TTC13: variants seen among roughly 807,000 people sequenced by gnomAD.
The protein encoded by TTC13 is tetratricopeptide repeat domain 13.
In TTC13, 62 loss-of-function variants were observed where a neutral mutation model predicts 120.0. The ratio of observed to expected loss-of-function variants is 0.52; its 90% CI spans 0.42 to 0.64. The LOEUF (loss-of-function observed/expected upper bound fraction) is 0.64. Ranked by LOEUF, TTC13 falls within the 30% of genes least tolerant of loss-of-function variation. The pLI is 0.00. For synonymous variants in TTC13, 384 were observed against 393.5 expected (o/e 0.98, Z 0.28); for missense variants, 824 against 1,050.2 (o/e 0.78, Z 2.98).
At chr1:230,923,754 G>A in intron 15 of TTC13, 87 bp downstream of exon 15, 3 of 1,090,910 alleles carry the variant, frequency 2.7e-6, no homozygotes, top group South Asian at 2.9e-5. Context: ...ACCAGGAAAG[G>A]AGCAATGGGT....
chr1:230,953,271 T>C, intron 4 of TTC13, among the ~76,000 whole-genome samples: 1 of 152,308 alleles, frequency 6.6e-6, no homozygotes, highest in Non-Finnish European at 1.5e-5. Flanking sequence ...ATCTCATCAA[T>C]TGTTTGAGAA....
At chr1:230,914,545 C>T (rs1394151638) in intron 18 of TTC13, among the ~76,000 whole-genome samples, 1 of 152,000 alleles carries the variant, frequency 6.6e-6, no homozygotes, top group East Asian at 1.9e-4. Context: ...CAGGTGCGCG[C>T]CACCAGGCCT....
At position 230,971,635 on chromosome 1, in the gene TTC13, GAC is replaced by G. The variant is rs547016828; in HGVS notation, c.271+6923_271+6924del. Among the ~76,000 whole-genome samples, 499 of 152,284 alleles carry G rather than the reference GAC, an allele frequency of 3.3e-3. 7 individuals are homozygous for G. The highest frequency in any genetic ancestry group is 0.012 in the African/African-American group (481 of 41,572). ...GGATCCACAAAAGCCATCTTAAAGA[GAC>G]AGAAGTTTTTTGTTTTTTAACAAAG... On this transcript the variant is annotated intron_variant, in intron 1 of 22. Transcript: ENST00000366661.
At chr1:230,969,412 T>C (rs1192241126) in intron 1 of TTC13, among the ~76,000 whole-genome samples, 3 of 152,232 alleles carry the variant, frequency 2.0e-5, no homozygotes, top group African/African-American at 7.2e-5. Flanking sequence ...TCCATTTCTT[T>C]GAAAGGTTCT....
intron 20 of TTC13, among the ~76,000 whole-genome samples, chr1:230,910,401 G>A (rs1219116979): frequency 2.0e-5 from 3 of 152,224 alleles, no homozygotes; most frequent in Admixed American, 1.3e-4. Context: ...TGCCAAGCTC[G>A]GCTTAAACCC....
In TTC13 at chr1:230,944,315, C is replaced by T. The variant is rs905260060; in HGVS notation, c.580-417G>A. On this transcript the variant is annotated intron_variant, in intron 5 of 22. Coordinates refer to ENST00000366661, the MANE Select transcript of TTC13 (RefSeq NM_024525.5). This position sits in a 1 kb window ranked among gnomAD's most constrained non-coding sequence, Gnocchi z 4.0. ...AAAACATAAGCCTATAAATCTATAC[C>T]TTAAGAAGTTTAGGTACATTCTCTT... Among the ~76,000 whole-genome samples, 2 of 152,168 alleles carry T rather than the reference C, an allele frequency of 1.3e-5. No individual in the cohort carries two copies. The highest frequency in any genetic ancestry group is 4.8e-5 in the African/African-American group (2 of 41,440).
intron 1 of TTC13, among the ~76,000 whole-genome samples, chr1:230,977,939 C>T (rs1255953973): frequency 6.6e-6 from 1 of 152,226 alleles, no homozygotes; most frequent in African/African-American, 2.4e-5. Context: ...GGCCTTTTTT[C>T]CCTCTGGGAG....
intron 17 of TTC13, among the ~76,000 whole-genome samples, chr1:230,920,076 A>T (rs763587335): frequency 6.6e-6 from 1 of 152,198 alleles, no homozygotes; most frequent in Non-Finnish European, 1.5e-5. Flanking sequence ...GCTTAGCAAG[A>T]CCACTGTACT....
chr1:230,958,237 T>C lies in TTC13; in HGVS notation c.429A>G (p.Thr143=), dbSNP rs1452320070. 1 of 1,613,456 alleles carries C rather than the reference T, an allele frequency of 6.2e-7. No individual in the cohort carries two copies. The highest frequency in any genetic ancestry group is 1.1e-5 in the South Asian group (1 of 90,978). Residue 143 remains threonine (T), a synonymous_variant, in exon 3 of 23, where the codon ACA becomes ACG. Transcript: ENST00000366661. ...TTCAAGTCTTACCTAACTCTTCATT[T>C]GTGCTGTCATTATCAGTGGCAAACG... ...RFPFATDNDS[T]NEELAIAYVL...
At chr1:230,973,174 A>T (rs1166258424) in intron 1 of TTC13, among the ~76,000 whole-genome samples, 1 of 152,228 alleles carries the variant, frequency 6.6e-6, no homozygotes, top group Non-Finnish European at 1.5e-5. Context: ...TGTGGTTCTT[A>T]ACTTCCTCAT....
chr1:230,949,118 C>T (rs1675287177), intron 4 of TTC13, among the ~76,000 whole-genome samples: 1 of 151,996 alleles, frequency 6.6e-6, no homozygotes, highest in African/African-American at 2.4e-5. Context: ...CATGCAAAGT[C>T]ATGCTATTCT....
chr1:230,920,464 T>C (rs746729356), intron 17 of TTC13, 46 bp downstream of exon 17: 1 of 1,400,686 alleles, frequency 7.1e-7, no homozygotes, highest in Non-Finnish European at 1.0e-6. Context: ...CTGTTGGTTT[T>C]CTTTTCCTCT....
chr1:230,948,831 T>A (rs1675258525), intron 4 of TTC13, among the ~76,000 whole-genome samples: 1 of 152,054 alleles, frequency 6.6e-6, no homozygotes, highest in African/African-American at 2.4e-5. Flanking sequence ...AATAATTCCC[T>A]ACATACAAGA....
intron 1 of TTC13, among the ~76,000 whole-genome samples, chr1:230,975,978 A>C (rs937002892): frequency 6.6e-6 from 1 of 152,222 alleles, no homozygotes; most frequent in Non-Finnish European, 1.5e-5. Flanking sequence ...GTTCTGTCTC[A>C]AGGGAATACA....
chr1:230,952,186 A>T (rs74143520), intron 4 of TTC13, among the ~76,000 whole-genome samples: 2,385 of 152,296 alleles, frequency 0.016, 59 homozygotes, highest in African/African-American at 0.053. Context: ...TATCAGTCAT[A>T]TGATACAAAG....
intron 3 of TTC13, among the ~76,000 whole-genome samples, chr1:230,957,309 G>A (rs770059178): frequency 1.2e-4 from 18 of 152,096 alleles, no homozygotes; most frequent in Non-Finnish European, 2.2e-4. Context: ...GCACGGTGGT[G>A]TGCACCTGTA....
At chr1:230,968,962 C>G (rs962975027) in intron 1 of TTC13, among the ~76,000 whole-genome samples, 4 of 152,208 alleles carry the variant, frequency 2.6e-5, no homozygotes, top group African/African-American at 9.6e-5. Context: ...TAAGCTGAGA[C>G]TGTAAGTACA....
At chr1:230,931,148 G>T in intron 11 of TTC13, 150 bp downstream of exon 11, 2 of 644,084 alleles carry the variant, frequency 3.1e-6, no homozygotes, top group Non-Finnish European at 5.2e-6. Context: ...ATCTAGTCTC[G>T]ACACTAGCAC....
At chr1:230,954,448 T>C (rs1484105237) in intron 3 of TTC13, 45 bp from the exon 4 acceptor site, 8 of 1,430,036 alleles carry the variant, frequency 5.6e-6, no homozygotes, top group African/African-American at 4.3e-5. Flanking sequence ...AATAAAGTAG[T>C]TCTAACTAGA....
Sources: gnomAD v4.1 joint callset for allele counts (sites outside exome capture counted in the v4.1 genomes callset) on GRCh38, gnomAD v4.1.1 for gene constraint, Gnocchi (gnomAD v3.1) non-coding constraint, MANE v1.5 for transcripts, NCBI Gene and HGNC (gene_info 2026-07-23, HGNC 2026-07-21) for gene names.